Variants in NIF3L1 observed in about 807,000 individuals in gnomAD.
The protein encoded by NIF3L1 is NIF3-like protein 1.
NIF3L1 carries 26 observed loss-of-function variants against 35.0 expected under a neutral mutation model. The ratio of observed to expected loss-of-function variants is 0.74; its 90% CI spans 0.54 to 1.03. The LOEUF (loss-of-function observed/expected upper bound fraction) is 1.03. Among genes scored for constraint, NIF3L1 ranks in the 50% least tolerant of loss-of-function variants. The pLI, the probability that NIF3L1 is intolerant of heterozygous loss-of-function variation, is 0.00. For synonymous variants in NIF3L1, 157 were observed against 178.9 expected (o/e 0.88, Z 0.98); for missense variants, 449 against 466.3 (o/e 0.96, Z 0.34).
chr2:200,894,173 CAA>C (rs548333663), intron 3 of NIF3L1, among the ~76,000 whole-genome samples: 92 of 66,498 alleles, frequency 1.4e-3, no homozygotes, highest in African/African-American at 4.2e-3. Flanking sequence ...GACTCTGTCT[CAA>C]AAAAAAAAAA....
rs1479616901 is a variant in NIF3L1, at chr2:200,892,090, G to A, written c.147G>A (p.Trp49Ter). ...CATCCCTCTCGTTTGCTGAGAGTTGGGACAATGTTGGATTACTGGTGGAAC... is the reference window on the plus strand; with the variant it reads ...CATCCCTCTCGTTTGCTGAGAGTTGAGACAATGTTGGATTACTGGTGGAAC... ...DFASLSFAES[W>*]DNVGLLVEPS... Residue 49 changes from tryptophan to a stop codon, truncating the protein, a stop_gained, in exon 2 of 7, where the codon TGG (tryptophan) becomes TGA (stop). Transcript: ENST00000409020. LOFTEE classifies it high-confidence loss of function. 6.2e-7 allele frequency: 1 copy of A among 1,614,084 alleles called. No individual in the cohort carries two copies. The highest frequency in any genetic ancestry group is 8.5e-7 in the Non-Finnish European group (1 of 1,180,032).
chr2:200,903,456 A>G (rs1283373974), intron 6 of NIF3L1, 38 bp from the exon 7 acceptor site: 1 of 1,544,188 alleles, frequency 6.5e-7, no homozygotes, highest in Non-Finnish European at 8.9e-7. Context: ...CAGATTCCAT[A>G]TTTAGCATTT....
intron 1 of NIF3L1, 140 bp downstream of exon 1, chr2:200,889,792 C>T (rs1275399393): frequency 6.6e-6 from 1 of 152,318 alleles, no homozygotes; most frequent in Non-Finnish European, 1.5e-5. Context: ...GGCACTATTT[C>T]CATTAAGGAG....
intron 1 of NIF3L1, 118 bp downstream of exon 1, chr2:200,889,770 T>C (rs2124868125): frequency 6.6e-6 from 1 of 152,098 alleles, no homozygotes; most frequent in Admixed American, 6.6e-5. Flanking sequence ...AATCTCGCGA[T>C]ATTGTGGCCT....
At position 200,903,524 on chromosome 2, in the gene NIF3L1, C is replaced by T; in HGVS notation, c.980C>T (p.Ala327Val). ...GEMSHHDTLD[A>V]ASQGINVILC... Reference sequence around the variant, plus strand: ...ATGTCCCATCATGATACTTTGGATGCTGCTTCCCAAGGAATAAATGTCATC... The same window carrying T: ...ATGTCCCATCATGATACTTTGGATGTTGCTTCCCAAGGAATAAATGTCATC... Residue 327 changes from alanine to valine, a missense_variant, in exon 7 of 7, where the codon GCT becomes GTT. Coordinates refer to ENST00000409020, the MANE Select transcript of NIF3L1 (RefSeq NM_001369441.2). The T allele has an allele frequency of 1.9e-6, 3 of 1,614,010 alleles. No homozygotes were observed. Among genetic ancestry groups the T allele is most frequent in the Non-Finnish European group, 2.5e-6 (3 of 1,179,878 alleles).
chr2:200,896,179 G>C (rs13421776), intron 4 of NIF3L1, among the ~76,000 whole-genome samples: 34,576 of 151,946 alleles, frequency 0.23, 4,705 homozygotes, highest in African/African-American at 0.38. Context: ...CACCTAGGAG[G>C]CAGTCCAGGC....
chr2:200,903,628 A>G lies in NIF3L1; in HGVS notation c.1084A>G (p.Ile362Val). The change falls in exon 7 of 7, where the codon ATA (isoleucine) becomes GTA (valine). Residue 362 changes from isoleucine (I) to valine (V), a missense_variant. Ile to Val is a conservative substitution (Grantham distance 29). Transcript: ENST00000409020. ...GCTGGATTCTCACTTGGAGAATAAG[A>G]TAAATATTATCCTATCAGAGACTGA... ...DMLDSHLENKINIILSETDRD... is the reference protein window; with the variant it reads ...DMLDSHLENKVNIILSETDRD... The G allele has an allele frequency of 6.2e-7, 1 of 1,613,798 alleles. No homozygotes were observed. The highest frequency in any genetic ancestry group is 8.5e-7 in the Non-Finnish European group (1 of 1,179,690).
rs758834647 is a variant in NIF3L1 at position 200,897,098 on chromosome 2, T to A, written c.749T>A (p.Met250Lys). 36 of 1,613,928 alleles carry A rather than the reference T, an allele frequency of 2.2e-5. 1 individual carries two copies. Among genetic ancestry groups the A allele is most frequent in the Middle Eastern group, 1.6e-4 (1 of 6,078 alleles). The part of the protein sequence containing the change: ...LEKPLLLHTG[M>K]GRLCTLDESV... ...CAGCCTTTGCTTCTACATACTGGAA[T>A]GGGACGGTTATGCACACTGGATGAA... is the stretch of plus-strand genomic sequence containing the variant. The change falls in exon 5 of 7, where the codon ATG (methionine) becomes AAG (lysine). Residue 250 changes from methionine (M) to lysine (K), a missense_variant. Physicochemically the swap from Met to Lys is moderately conservative, Grantham distance 95. Coordinates refer to ENST00000409020, the MANE Select transcript of NIF3L1 (RefSeq NM_001369441.2).
At chr2:200,891,484 T>G (rs766520647) in intron 1 of NIF3L1, among the ~76,000 whole-genome samples, 1 of 152,060 alleles carries the variant, frequency 6.6e-6, no homozygotes, top group African/African-American at 2.4e-5. Flanking sequence ...GGAAGGATGC[T>G]GAAAAGGGAG....
intron 4 of NIF3L1, 34 bp from the exon 5 acceptor site, chr2:200,897,042 A>G (rs760534359): frequency 5.3e-5 from 85 of 1,609,866 alleles, no homozygotes; most frequent in Middle Eastern, 1.7e-4. Flanking sequence ...AGGACTAACA[A>G]TGCACACCGT....
Position 200,889,440 on chromosome 2 carries a change from C to T in NIF3L1, c.-239C>T, listed in dbSNP as rs759365571. ...CCCGCGAGTGTAGTTGTGACCTTCG[C>T]GGTAGGTGCCGGTTGGGGCCGGCTG... On this transcript the variant is annotated 5_prime_UTR_variant, in exon 1 of 7. Coordinates refer to ENST00000409020, the MANE Select transcript of NIF3L1 (RefSeq NM_001369441.2). 14 of 209,570 alleles carry T rather than the reference C, an allele frequency of 6.7e-5. No individual in the cohort carries two copies. The highest frequency in any genetic ancestry group is 1.6e-4 in the Admixed American group (3 of 18,430). The allele number at this position is 209,570 out of a possible 1,614,324, so 13.0% of individuals were successfully genotyped here. A position where few individuals can be genotyped will look rare whatever the true frequency, so the allele number is the denominator to read the frequency against.
chr2:200,893,097 A>C, intron 2 of NIF3L1, 149 bp from the exon 3 acceptor site: 1 of 483,118 alleles, frequency 2.1e-6, no homozygotes, highest in Non-Finnish European at 3.6e-6. Context: ...CTGGTGATGT[A>C]TATCTAAGGG....
chr2:200,896,383 C>T (rs138474179), intron 4 of NIF3L1, among the ~76,000 whole-genome samples: 5 of 152,246 alleles, frequency 3.3e-5, no homozygotes, highest in African/African-American at 1.2e-4. Flanking sequence ...TCCATCTCAT[C>T]GTACCTCTGT....
intron 3 of NIF3L1, among the ~76,000 whole-genome samples, chr2:200,894,607 C>T (rs1353648728): frequency 6.6e-6 from 1 of 151,290 alleles, no homozygotes. Flanking sequence ...GGGGTTTCAT[C>T]ATGTTGGACA....
intron 4 of NIF3L1, among the ~76,000 whole-genome samples, chr2:200,896,701 C>A (rs1675478983): frequency 6.6e-6 from 1 of 152,202 alleles, no homozygotes; most frequent in Non-Finnish European, 1.5e-5. Flanking sequence ...ACCTCCCATT[C>A]AGCCTCCCAA....
At position 200,892,056 on chromosome 2, in the gene NIF3L1, A is replaced by G; in HGVS notation, c.113A>G (p.Asn38Ser). 6.2e-7 allele frequency: 1 copy of G among 1,614,156 alleles called. No homozygotes were observed. The highest frequency in any genetic ancestry group is 8.5e-7 in the Non-Finnish European group (1 of 1,180,034). Residue 38 changes from asparagine (N) to serine (S), a missense_variant, in exon 2 of 7, where the codon AAT becomes AGT. Asn to Ser is a conservative substitution (Grantham distance 46). Coordinates refer to ENST00000409020, the MANE Select transcript of NIF3L1 (RefSeq NM_001369441.2). The stretch of plus-strand genomic sequence containing the variant: ...TTGAAGGCTCTCCTTTCTTCCTTGA[A>G]TGACTTTGCATCCCTCTCGTTTGCT... ...MDLKALLSSL[N>S]DFASLSFAES...
intron 5 of NIF3L1, among the ~76,000 whole-genome samples, chr2:200,898,510 T>A (rs2040355557): frequency 6.6e-6 from 1 of 152,134 alleles, no homozygotes; most frequent in Admixed American, 6.5e-5. Context: ...AAGGTGAGAT[T>A]TGGATGGGGA....
At chr2:200,893,175 A>C (rs146633886) in intron 2 of NIF3L1, 71 bp from the exon 3 acceptor site, 44 of 1,250,444 alleles carry the variant, frequency 3.5e-5, no homozygotes, top group Non-Finnish European at 4.6e-5. Flanking sequence ...AATTTTGCCT[A>C]TAATAGTTTA....
rs768492418 is a variant in NIF3L1, at chr2:200,892,355, A to G, written c.412A>G (p.Asn138Asp). 15 of 1,603,380 alleles carry G rather than the reference A, an allele frequency of 9.4e-6. No individual in the cohort carries two copies. Among genetic ancestry groups the G allele is most frequent in the Non-Finnish European group, 1.3e-5 (15 of 1,175,624 alleles). ...CTATGATGCTGCGCCCCAGGGCGTCAACAACTGGTTGGCTAAAGGGCTTGG... is the reference window on the plus strand; with the variant it reads ...CTATGATGCTGCGCCCCAGGGCGTCGACAACTGGTTGGCTAAAGGGCTTGG... ...TAYDAAPQGV[N>D]NWLAKGLGAC... is the part of the protein sequence containing the mutation. Residue 138 changes from asparagine to aspartate, a missense_variant, in exon 2 of 7, where the codon AAC becomes GAC. Coordinates refer to ENST00000409020, the MANE Select transcript of NIF3L1 (RefSeq NM_001369441.2).
Sources: allele counts gnomAD v4.1 joint callset (sites outside exome capture counted in the v4.1 genomes callset), GRCh38; gene constraint gnomAD v4.1.1; transcripts MANE v1.5; gene names NCBI Gene and HGNC (gene_info 2026-07-23, HGNC 2026-07-21).